Variants in PGM5 observed in about 807,000 individuals in gnomAD.
PGM5 encodes phosphoglucomutase-like protein 5.
PGM5 carries 23 observed loss-of-function variants against 59.2 expected under a neutral mutation model. That is an observed-to-expected ratio of 0.39 (90% CI 0.28 to 0.55). PGM5 has a LOEUF of 0.55. PGM5 is among the 20% of genes least tolerant of loss of function. PGM5 has a pLI of 0.66. For missense variants in PGM5, 574 were observed against 748.3 expected (o/e 0.77, Z 2.72); for synonymous variants, 214 against 286.0 (o/e 0.75, Z 2.54).
At chr9:68,466,001 G>T (rs782596041) in intron 7 of PGM5, among the ~76,000 whole-genome samples, 1 of 152,042 alleles carries the variant, frequency 6.6e-6, no homozygotes, top group Non-Finnish European at 1.5e-5. Context: ...TTTAGGAAAT[G>T]CTCAGCTATT....
intron 6 of PGM5, among the ~76,000 whole-genome samples, chr9:68,416,402 G>T (rs11141974): frequency 0.046 from 7,006 of 152,152 alleles, 580 homozygotes; most frequent in East Asian, 0.4. Flanking sequence ...AGTTTCAGTT[G>T]CCTACTGTGG....
chr9:68,507,047 C>T (rs1824669551), intron 10 of PGM5, among the ~76,000 whole-genome samples: 1 of 151,854 alleles, frequency 6.6e-6, no homozygotes, highest in Non-Finnish European at 1.5e-5. Flanking sequence ...AAAAAGAAAA[C>T]CTGAGCAAGG....
chr9:68,480,705 A>C (rs141107990), intron 8 of PGM5, among the ~76,000 whole-genome samples: 4,668 of 151,984 alleles, frequency 0.031, 105 homozygotes, highest in African/African-American at 0.05. Flanking sequence ...TCTCAAAAAA[A>C]AAAACAAAAC....
chr9:68,457,551 A>G (rs549704916), intron 6 of PGM5, among the ~76,000 whole-genome samples: 1 of 152,328 alleles, frequency 6.6e-6, no homozygotes, highest in South Asian at 2.1e-4. Context: ...TTTAATGTCC[A>G]GTGCCTAGAT....
chr9:68,360,255 T>C (rs1834551177), intron 1 of PGM5, among the ~76,000 whole-genome samples: 2 of 152,030 alleles, frequency 1.3e-5, no homozygotes, highest in South Asian at 2.1e-4. Context: ...CTCATAAAGT[T>C]TGAAATAGAC....
At chr9:68,435,889 G>A (rs1587809275) in intron 6 of PGM5, among the ~76,000 whole-genome samples, 1 of 152,172 alleles carries the variant, frequency 6.6e-6, no homozygotes, top group Admixed American at 6.5e-5. Flanking sequence ...CACTCTTACT[G>A]CCACAGTACC....
chr9:68,475,385 C>T (rs1204889197), intron 7 of PGM5, among the ~76,000 whole-genome samples: 4 of 151,566 alleles, frequency 2.6e-5, no homozygotes, highest in South Asian at 4.2e-4. Flanking sequence ...GTTGTTATTG[C>T]GAAAATATTT....
chr9:68,360,178 G>A (rs1834550001), intron 1 of PGM5, among the ~76,000 whole-genome samples: 1 of 152,058 alleles, frequency 6.6e-6, no homozygotes, highest in South Asian at 2.1e-4. Flanking sequence ...CTTTGATTAT[G>A]TAATTGCTGG....
intron 7 of PGM5, among the ~76,000 whole-genome samples, chr9:68,473,116 C>T (rs1246196374): frequency 1.3e-5 from 2 of 152,144 alleles, no homozygotes; most frequent in Non-Finnish European, 2.9e-5. Flanking sequence ...ATCGATCGAT[C>T]TCCATCACAA....
chr9:68,490,002 C>G (rs1283692026), intron 9 of PGM5, among the ~76,000 whole-genome samples: 1 of 152,200 alleles, frequency 6.6e-6, no homozygotes, highest in Non-Finnish European at 1.5e-5. Flanking sequence ...AGAGAAAAAG[C>G]ACACTTTGAA....
At chr9:68,480,668 C>T (rs183442960) in intron 8 of PGM5, among the ~76,000 whole-genome samples, 21 of 150,408 alleles carry the variant, frequency 1.4e-4, no homozygotes, top group East Asian at 7.8e-4. Context: ...CACTGCACTA[C>T]AGCCTGGGCA....
At chr9:68,383,002 G>T (rs556975408) in intron 2 of PGM5, among the ~76,000 whole-genome samples, 1 of 151,992 alleles carries the variant, frequency 6.6e-6, no homozygotes, top group African/African-American at 2.4e-5. Context: ...ATGCAAAAAC[G>T]AAACAAGACT....
intron 5 of PGM5, among the ~76,000 whole-genome samples, chr9:68,392,115 G>T (rs1401921994): frequency 6.6e-6 from 1 of 152,136 alleles, no homozygotes; most frequent in Non-Finnish European, 1.5e-5. Flanking sequence ...CATTTCAACA[G>T]GTGGAACATA....
intron 6 of PGM5, among the ~76,000 whole-genome samples, chr9:68,415,211 A>G (rs1375976956): frequency 2.0e-5 from 3 of 149,234 alleles, no homozygotes; most frequent in Non-Finnish European, 4.4e-5. Context: ...CCTCATATGC[A>G]GATGAAAAAC....
chr9:68,365,722 C>A (rs1186227990), intron 1 of PGM5, among the ~76,000 whole-genome samples: 6 of 152,018 alleles, frequency 3.9e-5, no homozygotes, highest in Non-Finnish European at 8.8e-5. Flanking sequence ...CCTTTGTATT[C>A]TTTTTCTCTA....
chr9:68,376,799 TTC>T (rs1821906270), intron 1 of PGM5, among the ~76,000 whole-genome samples: 2 of 109,018 alleles, frequency 1.8e-5, no homozygotes, highest in African/African-American at 3.7e-5. Context: ...CTTTCTTTCT[TTC>T]TTTCTTTCTT....
At chr9:68,427,372 A>G (rs1183338645) in intron 6 of PGM5, among the ~76,000 whole-genome samples, 2 of 152,186 alleles carry the variant, frequency 1.3e-5, no homozygotes, top group Non-Finnish European at 2.9e-5. Flanking sequence ...TGACAACCAT[A>G]TCCTGTGTCA....
At chr9:68,528,561 C>T (rs1455058275) in intron 10 of PGM5, among the ~76,000 whole-genome samples, 1 of 152,182 alleles carries the variant, frequency 6.6e-6, no homozygotes, top group Non-Finnish European at 1.5e-5. Flanking sequence ...AATTGACTCA[C>T]TTTGTTTTTA....
At chr9:68,466,073 C>T in intron 7 of PGM5, 2 of 1,118,562 alleles carry the variant, frequency 1.8e-6, no homozygotes, top group Non-Finnish European at 2.4e-6. Flanking sequence ...GCTCCAATTA[C>T]ACATGTGTTA....
Sources: gnomAD v4.1 joint callset for allele counts (sites outside exome capture counted in the v4.1 genomes callset) on GRCh38, gnomAD v4.1.1 for gene constraint, MANE v1.5 for transcripts, NCBI Gene and HGNC (gene_info 2026-07-23, HGNC 2026-07-21) for gene names.